The following STK33 variants were observed in gnomAD, a reference collection of about 807,000 sequenced individuals.
The protein encoded by STK33 is serine/threonine kinase 33.
STK33 carries 52 observed loss-of-function variants against 58.0 expected under a neutral mutation model. The observed-to-expected ratio is 0.90, with a 90% CI of 0.72 to 1.13. The LOEUF (loss-of-function observed/expected upper bound fraction) is 1.13. Among genes scored for constraint, STK33 ranks in the 50% most tolerant of loss-of-function variants. The pLI is 0.00. For missense variants in STK33, 630 were observed against 604.2 expected (o/e 1.04, Z -0.45); for synonymous variants, 215 against 200.1 (o/e 1.07, Z -0.63).
downstream of STK33, among the ~76,000 whole-genome samples, chr11:8,390,286 C>T (rs1848601999): frequency 6.6e-6 from 1 of 152,226 alleles, no homozygotes; most frequent in Admixed American, 6.5e-5. Context: ...CTGTCCTAGA[C>T]AGACTATGTC....
chr11:8,413,735 G>T, intron 14 of STK33, 43 bp from the exon 15 acceptor site: 1 of 1,537,140 alleles, frequency 6.5e-7, no homozygotes, highest in South Asian at 1.1e-5. Context: ...ACAACTTAGA[G>T]AATTGAGACG....
Position 8,536,950 on chromosome 11 carries a change from T to TAA in STK33, c.-465-56338_-465-56337dup, listed in dbSNP as rs879045592. On this transcript the variant is annotated intron_variant, in intron 1 of 15. Coordinates refer to ENST00000687296, the MANE Select transcript of STK33 (RefSeq NM_001352389.2). The stretch of plus-strand genomic sequence containing the variant: ...GCATGCACTGCCATACCCAGCTAAT[T>TAA]AAAAAAAAAAAAAAAAAAAAGATTT... Among the ~76,000 whole-genome samples, 25 of 86,926 alleles carry TAA rather than the reference T, an allele frequency of 2.9e-4. 1 individual carries two copies. Among genetic ancestry groups the TAA allele is most frequent in the African/African-American group, 5.1e-4 (12 of 23,356 alleles). 57.0% of individuals were successfully genotyped at this position (86,926 alleles called of 152,430 possible). A position where few individuals can be genotyped will look rare whatever the true frequency, so the allele number is the denominator to read the frequency against.
At chr11:8,426,531 A>G (rs1420352680) in intron 14 of STK33, among the ~76,000 whole-genome samples, 1 of 152,090 alleles carries the variant, frequency 6.6e-6, no homozygotes, top group African/African-American at 2.4e-5. Context: ...GCCCTCCTCT[A>G]CCTACCTTGG....
chr11:8,535,671 A>G (rs117928163), intron 1 of STK33, among the ~76,000 whole-genome samples: 8,102 of 152,278 alleles, frequency 0.053, 289 homozygotes, highest in Non-Finnish European at 0.071. Flanking sequence ...GGAAAGCAGT[A>G]TGAAGATTTC....
intron 1 of STK33, among the ~76,000 whole-genome samples, chr11:8,502,874 A>G (rs1951620360): frequency 6.6e-6 from 1 of 152,256 alleles, no homozygotes; most frequent in Admixed American, 6.5e-5. Context: ...CATATGAAAA[A>G]ATACTCAACA....
chr11:8,389,794 C>G (rs765300327), downstream of STK33, among the ~76,000 whole-genome samples: 1 of 152,142 alleles, frequency 6.6e-6, no homozygotes, highest in East Asian at 1.9e-4. Flanking sequence ...ACCCAACCCC[C>G]GCAGCACCAC....
Position 8,413,531 on chromosome 11 carries a change from A to G in STK33, c.1308T>C (p.Asp436=). The change falls in exon 15 of 16, where the codon GAT becomes GAC. Residue 436 remains aspartate (D), a synonymous_variant. Coordinates refer to ENST00000687296, the MANE Select transcript of STK33 (RefSeq NM_001352389.2). ...CCTCTTCATCTGAAGTGTAATTGGC[A>G]TCAGGGACATTTCCCCAGGGTTGGT... ...KSYQPWGNVP[D]ANYTSDEEEE... The G allele has an allele frequency of 6.2e-7, 1 of 1,613,682 alleles. No individual in the cohort carries two copies. The highest frequency in any genetic ancestry group is 1.3e-5 in the African/African-American group (1 of 74,982).
At chr11:8,416,287 T>C (rs1044367278) in intron 14 of STK33, among the ~76,000 whole-genome samples, 2 of 152,176 alleles carry the variant, frequency 1.3e-5, no homozygotes, top group African/African-American at 2.4e-5. Flanking sequence ...ATGCTCCCTC[T>C]GTCTTATAAG....
At chr11:8,358,240 C>T in the STK33 span, among the ~76,000 whole-genome samples, 3 of 152,230 alleles carry the variant, frequency 2.0e-5, no homozygotes, top group South Asian at 2.1e-4. Context: ...CACTGGAAGA[C>T]GTCAGGGTTT....
At chr11:8,354,461 A>C in the STK33 span, among the ~76,000 whole-genome samples, 1 of 114,076 alleles carries the variant, frequency 8.8e-6, no homozygotes, top group African/African-American at 3.7e-5. Flanking sequence ...CCAGAGTACA[A>C]GTCTGCAAAA....
the STK33 span, among the ~76,000 whole-genome samples, chr11:8,383,820 T>G: frequency 6.6e-6 from 1 of 152,228 alleles, no homozygotes; most frequent in African/African-American, 2.4e-5. Flanking sequence ...GATGGTGCCT[T>G]GATACCAGGT....
chr11:8,354,516 A>ACACACACACACC, the STK33 span, among the ~76,000 whole-genome samples: 3 of 127,766 alleles, frequency 2.3e-5, no homozygotes, highest in African/African-American at 2.7e-5. Context: ...ACACACACAC[A>ACACACACACACC]CCCCTCAGAC....
intron 12 of STK33, among the ~76,000 whole-genome samples, chr11:8,440,028 G>C (rs1473952080): frequency 1.3e-5 from 2 of 151,522 alleles, no homozygotes; most frequent in African/African-American, 2.4e-5. Flanking sequence ...CAGTCAGAAA[G>C]ACCCTGCAAT....
chr11:8,500,957 T>C (rs1422825050), intron 1 of STK33, among the ~76,000 whole-genome samples: 1 of 152,088 alleles, frequency 6.6e-6, no homozygotes, highest in Non-Finnish European at 1.5e-5. Context: ...GAACAGTCTT[T>C]TCAGCAAATG....
In STK33 at chr11:8,473,224, C is replaced by T. The variant is rs201709884; in HGVS notation, c.278G>A (p.Arg93Gln). ...AACTTTTCCTTCTGTAAAGTTGCCC[C>T]GACCCCATTGTTGCTGAGATGCTTT... Reference protein sequence around the residue: ...ERKASQQQWGRGNFTEGKVPH... With the variant: ...ERKASQQQWGQGNFTEGKVPH... Residue 93 changes from arginine (R) to glutamine (Q), a missense_variant, in exon 6 of 16, where the codon CGG (arginine) becomes CAG (glutamine). Coordinates refer to ENST00000687296, the MANE Select transcript of STK33 (RefSeq NM_001352389.2). 4.2e-5 allele frequency: 67 copies of T among 1,612,836 alleles called. No individual in the cohort carries two copies. Among genetic ancestry groups the T allele is most frequent in the Admixed American group, 1.0e-4 (6 of 59,880 alleles).
chr11:8,568,049 T>A (rs1957562613), intron 1 of STK33, among the ~76,000 whole-genome samples: 1 of 152,200 alleles, frequency 6.6e-6, no homozygotes, highest in African/African-American at 2.4e-5. Flanking sequence ...CTTACAGGAA[T>A]GTGCATAAAA....
intron 10 of STK33, 88 bp downstream of exon 10, chr11:8,454,656 G>A: frequency 7.1e-7 from 1 of 1,413,520 alleles, no homozygotes; most frequent in East Asian, 2.8e-5. Context: ...TCAAAAGCTA[G>A]CAACATGTGT....
intron 11 of STK33, among the ~76,000 whole-genome samples, chr11:8,450,798 G>A (rs750322931): frequency 5.3e-5 from 8 of 152,088 alleles, no homozygotes; most frequent in Non-Finnish European, 1.0e-4. Flanking sequence ...ATTTAAATGT[G>A]CAAGGATGGT....
the STK33 span, among the ~76,000 whole-genome samples, chr11:8,355,295 C>T: frequency 6.6e-6 from 1 of 152,268 alleles, no homozygotes; most frequent in South Asian, 2.1e-4. Flanking sequence ...CTGATAACCA[C>T]AGAGGTTAAT....
Sources: gnomAD v4.1 joint callset for allele counts (sites outside exome capture counted in the v4.1 genomes callset) on GRCh38, gnomAD v4.1.1 for gene constraint, MANE v1.5 for transcripts, NCBI Gene and HGNC (gene_info 2026-07-23, HGNC 2026-07-21) for gene names.